Variants in USP48 observed in about 807,000 individuals in gnomAD.
USP48 encodes ubiquitin specific peptidase 48, also known as ubiquitin carboxyl-terminal hydrolase 48.
Under a neutral mutation model 150.7 loss-of-function variants are expected in USP48, and 43 were observed. That is an observed-to-expected ratio of 0.29 (90% CI 0.22 to 0.37). The LOEUF (loss-of-function observed/expected upper bound fraction) is 0.37, where lower values mean the gene tolerates loss of function less well. Among genes scored for constraint, USP48 ranks in the 10% least tolerant of loss-of-function variants. The pLI is 1.00. For missense variants in USP48, 813 were observed against 1,249.6 expected (o/e 0.65, Z 5.27); for synonymous variants, 396 against 425.9 (o/e 0.93, Z 0.86).
intron 1 of USP48, among the ~76,000 whole-genome samples, chr1:21,772,389 C>T (rs752860952): frequency 1.3e-5 from 2 of 152,086 alleles, no homozygotes; most frequent in East Asian, 1.9e-4. Flanking sequence ...TTTGGGAGGC[C>T]GAGGCGGGCA....
intron 3 of USP48, among the ~76,000 whole-genome samples, chr1:21,755,420 A>G (rs2097829872): frequency 6.6e-6 from 1 of 151,900 alleles, no homozygotes; most frequent in Admixed American, 6.6e-5. Context: ...AATTAGCAAG[A>G]GGTGGTGGTG....
Position 21,736,693 on chromosome 1 carries a change from T to C in USP48, c.992-68A>G, listed in dbSNP as rs116458973. Reference sequence around the variant, plus strand: ...TTATTTCTTATATCCTGAGCCTGAATTGTAATGATTACGAATCTTTACACA... The same window carrying C: ...TTATTTCTTATATCCTGAGCCTGAACTGTAATGATTACGAATCTTTACACA... On this transcript the variant is annotated intron_variant, in intron 8 of 26. Coordinates refer to ENST00000308271, the MANE Select transcript of USP48 (RefSeq NM_032236.8). The C allele has an allele frequency of 6.8e-4, 878 of 1,286,446 alleles. 5 individuals are homozygous for C. In the African/African-American group the frequency reaches 0.012, roughly 17 times the overall value. 79.7% of individuals were successfully genotyped at this position (1,286,446 alleles called of 1,614,324 possible).
chr1:21,715,560 T>C, intron 14 of USP48, 103 bp from the exon 15 acceptor site: 1 of 631,724 alleles, frequency 1.6e-6, no homozygotes, highest in Non-Finnish European at 2.6e-6. Context: ...AAGAAAACTT[T>C]AAAACTCTGA....
At chr1:21,747,928 T>A (rs898142512) in intron 7 of USP48, among the ~76,000 whole-genome samples, 1 of 152,246 alleles carries the variant, frequency 6.6e-6, no homozygotes, top group African/African-American at 2.4e-5. Context: ...TTTACTTTTC[T>A]AGTTATCATT....
At chr1:21,714,314 C>T (rs1292983313) in intron 15 of USP48, among the ~76,000 whole-genome samples, 2 of 152,178 alleles carry the variant, frequency 1.3e-5, no homozygotes, top group East Asian at 1.9e-4. Flanking sequence ...ATCGCACGGT[C>T]GTCCAGGCTG....
chr1:21,706,963 G>A (rs535135000), intron 15 of USP48, 95 bp from the exon 16 acceptor site: 35 of 1,361,194 alleles, frequency 2.6e-5, no homozygotes, highest in Non-Finnish European at 3.1e-5. Context: ...AAATCCACAG[G>A]TACGCTTTTC....
intron 16 of USP48, 49 bp downstream of exon 16, chr1:21,706,695 C>A (rs1216001371): frequency 6.2e-7 from 1 of 1,609,796 alleles, no homozygotes; most frequent in Non-Finnish European, 8.5e-7. Context: ...GGGAAGTCAA[C>A]CCAGGGAGGT....
intron 24 of USP48, among the ~76,000 whole-genome samples, chr1:21,689,763 A>G (rs1387008010): frequency 1.3e-5 from 2 of 152,104 alleles, no homozygotes; most frequent in Non-Finnish European, 2.9e-5. Context: ...ACTATAACAC[A>G]CAAGAACAAG....
intron 8 of USP48, among the ~76,000 whole-genome samples, chr1:21,743,135 C>T (rs899007327): frequency 3.3e-5 from 5 of 151,430 alleles, no homozygotes; most frequent in African/African-American, 1.2e-4. Flanking sequence ...CTCTATTGAC[C>T]CTAATTGGTC....
At chr1:21,710,814 CTT>C (rs2097688183) in intron 15 of USP48, among the ~76,000 whole-genome samples, 1 of 143,974 alleles carries the variant, frequency 6.9e-6, no homozygotes, top group African/African-American at 2.5e-5. Flanking sequence ...AAAAAAAAAA[CTT>C]TTATTTTTAG....
At chr1:21,729,983 C>A in intron 9 of USP48, 151 bp from the exon 10 acceptor site, 1 of 888,320 alleles carries the variant, frequency 1.1e-6, no homozygotes. Flanking sequence ...ATTTGGCAGG[C>A]TCTTTAGCTT....
intron 4 of USP48, 121 bp from the exon 5 acceptor site, chr1:21,752,772 G>A: frequency 8.0e-7 from 1 of 1,251,624 alleles, no homozygotes; most frequent in South Asian, 1.6e-5. Flanking sequence ...TTTCAAACAG[G>A]GGCTACAGCT....
chr1:21,720,558 C>G (rs1316856339), intron 14 of USP48, among the ~76,000 whole-genome samples: 1 of 151,036 alleles, frequency 6.6e-6, no homozygotes, highest in Admixed American at 6.6e-5. Context: ...GACAGAGTCT[C>G]GCTCTGCCGC....
At chr1:21,782,784 C>T in intron 1 of USP48, 40 bp downstream of exon 1, 2 of 1,498,986 alleles carry the variant, frequency 1.3e-6, no homozygotes, top group African/African-American at 1.4e-5. Context: ...TTCCAAGGTC[C>T]GGCGCGAGGA....
At chr1:21,739,320 A>C (rs2097775711) in intron 8 of USP48, among the ~76,000 whole-genome samples, 2 of 152,002 alleles carry the variant, frequency 1.3e-5, no homozygotes, top group African/African-American at 2.4e-5. Flanking sequence ...GGAGTTTGAG[A>C]CTAGCCTGGC....
intron 8 of USP48, among the ~76,000 whole-genome samples, chr1:21,739,518 CAAAAAAAAAAAAAAAAA>C (rs61410306): frequency 1.5e-5 from 1 of 66,292 alleles, no homozygotes; most frequent in African/African-American, 6.5e-5. Context: ...GACTCCGTCT[CAAAAAAAAAAAAAAAAA>C]AAAAAAAAAA....
intron 1 of USP48, among the ~76,000 whole-genome samples, chr1:21,765,452 A>T (rs2097859366): frequency 6.6e-6 from 1 of 152,046 alleles, no homozygotes; most frequent in Admixed American, 6.6e-5. Flanking sequence ...CCCGTTCTCT[A>T]CTAAAAATTC....
At chr1:21,770,167 A>AG (rs1168049376) in intron 1 of USP48, among the ~76,000 whole-genome samples, 1 of 151,902 alleles carries the variant, frequency 6.6e-6, no homozygotes, top group Non-Finnish European at 1.5e-5. Flanking sequence ...CCACCAAAAA[A>AG]AAAAAAAAAT....
intron 19 of USP48, 147 bp from the exon 20 acceptor site, chr1:21,704,539 A>T: frequency 1.1e-6 from 1 of 894,300 alleles, no homozygotes; most frequent in Non-Finnish European, 1.6e-6. Flanking sequence ...ATCAACAAAG[A>T]ATAGTTTTTC....
Sources: allele counts gnomAD v4.1 joint callset (sites outside exome capture counted in the v4.1 genomes callset), GRCh38; gene constraint gnomAD v4.1.1; transcripts MANE v1.5; gene names NCBI Gene and HGNC (gene_info 2026-07-23, HGNC 2026-07-21).